The following PTPN1 variants were observed in gnomAD, a reference collection of about 807,000 sequenced individuals.
The protein encoded by PTPN1 is tyrosine-protein phosphatase non-receptor type 1.
PTPN1 carries 12 observed loss-of-function variants against 59.9 expected under a neutral mutation model. That is an observed-to-expected ratio of 0.20 (90% CI 0.13 to 0.32). The LOEUF (loss-of-function observed/expected upper bound fraction) is 0.32. Among genes scored for constraint, PTPN1 ranks in the 10% least tolerant of loss-of-function variants. The pLI, the probability that PTPN1 is intolerant of heterozygous loss-of-function variation, is 1.00. For synonymous variants in PTPN1, 178 were observed against 203.6 expected (o/e 0.87, Z 1.07); for missense variants, 356 against 549.2 (o/e 0.65, Z 3.52).
intron 1 of PTPN1, among the ~76,000 whole-genome samples, chr20:50,558,265 A>G (rs983193204): frequency 1.3e-5 from 2 of 152,188 alleles, no homozygotes; most frequent in Non-Finnish European, 2.9e-5. Flanking sequence ...ATATAATACA[A>G]CCCACATACA....
At chr20:50,524,907 G>A (rs2082567709) in intron 1 of PTPN1, among the ~76,000 whole-genome samples, 1 of 151,680 alleles carries the variant, frequency 6.6e-6, no homozygotes, top group East Asian at 1.9e-4. Flanking sequence ...TCAGTACACA[G>A]ATAGCTTTGA....
chr20:50,517,754 A>G (rs1280152781), intron 1 of PTPN1, among the ~76,000 whole-genome samples: 1 of 152,176 alleles, frequency 6.6e-6, no homozygotes, highest in Non-Finnish European at 1.5e-5. Flanking sequence ...TCTGGGAAAT[A>G]AACGTATTCT....
At position 50,561,295 on chromosome 20, in the gene PTPN1, G is replaced by T. The variant is rs573768725; in HGVS notation, c.64-68G>T. ...CCCATATTGCCCGGCTCTCTTTGATGTCTGTTTCTTTGCTGGGTCTTCCTC... is the reference window on the plus strand; with the variant it reads ...CCCATATTGCCCGGCTCTCTTTGATTTCTGTTTCTTTGCTGGGTCTTCCTC... On this transcript the variant is annotated intron_variant, in intron 1 of 9. Transcript: ENST00000371621. 36 of 1,207,798 alleles carry T rather than the reference G, an allele frequency of 3.0e-5. No individual in the cohort carries two copies. The African/African-American group carries it at 3.2e-4, about 11-fold the overall frequency. 74.8% of individuals were successfully genotyped at this position (1,207,798 alleles called of 1,614,324 possible).
At chr20:50,518,739 G>A (rs548898521) in intron 1 of PTPN1, among the ~76,000 whole-genome samples, 12 of 152,188 alleles carry the variant, frequency 7.9e-5, no homozygotes, top group Non-Finnish European at 1.2e-4. Context: ...CTACCTGGAC[G>A]CCACCTCCCT....
intron 5 of PTPN1, among the ~76,000 whole-genome samples, chr20:50,575,282 C>T (rs746797752): frequency 4.6e-5 from 7 of 152,298 alleles, no homozygotes; most frequent in South Asian, 4.1e-4. Flanking sequence ...AGGGAGTGCG[C>T]GGCAGCACCT....
intron 3 of PTPN1, among the ~76,000 whole-genome samples, chr20:50,565,631 TA>T (rs992593189): frequency 2.6e-4 from 39 of 152,346 alleles, no homozygotes; most frequent in African/African-American, 9.1e-4. Context: ...GAGCCTCTTG[TA>T]AAACACTCAG....
intron 1 of PTPN1, among the ~76,000 whole-genome samples, chr20:50,547,445 C>A (rs903686617): frequency 3.9e-5 from 6 of 151,908 alleles, no homozygotes; most frequent in Non-Finnish European, 8.8e-5. Flanking sequence ...CTCACTGCAA[C>A]CTCTGCCTCC....
intron 1 of PTPN1, among the ~76,000 whole-genome samples, chr20:50,541,843 G>T (rs1302482274): frequency 6.6e-6 from 1 of 152,162 alleles, no homozygotes; most frequent in Non-Finnish European, 1.5e-5. Flanking sequence ...AGTCGGCAAG[G>T]AGAGGTAGCA....
rs367551087 is a variant in PTPN1, at chr20:50,579,179, G to A, written c.714G>A (p.Arg238=). The A allele has an allele frequency of 5.6e-6, 9 of 1,614,112 alleles. No individual in the cohort carries two copies. In the African/African-American group the frequency reaches 1.1e-4, roughly 19 times the overall value. The part of the protein sequence containing the change: ...ADTCLLLMDK[R]KDPSSVDIKK... The stretch of plus-strand genomic sequence containing the variant: ...TCTCTGGCTTTCAGATGGACAAGAG[G>A]AAAGACCCTTCTTCCGTTGATATCA... The change falls in exon 7 of 10, where the codon AGG becomes AGA. Residue 238 remains arginine (R), a synonymous_variant. Coordinates refer to ENST00000371621, the MANE Select transcript of PTPN1 (RefSeq NM_002827.4).
intron 1 of PTPN1, among the ~76,000 whole-genome samples, chr20:50,528,853 T>A (rs2122733743): frequency 6.6e-6 from 1 of 152,230 alleles, no homozygotes; most frequent in East Asian, 1.9e-4. Flanking sequence ...TAGGGAGGCT[T>A]TGAGTTGATG....
Position 50,584,827 on chromosome 20 carries a change from TC to T in PTPN1, c.*2113del, listed in dbSNP as rs2082891458. 6.6e-6 allele frequency: 1 copy of T among 152,238 alleles called. No homozygotes were observed. Among genetic ancestry groups the T allele is most frequent in the African/African-American group, 2.4e-5 (1 of 41,464 alleles). 9.4% of individuals were successfully genotyped at this position (152,238 alleles called of 1,614,324 possible). On this transcript the variant is annotated 3_prime_UTR_variant, in exon 10 of 10. Transcript: ENST00000371621. ...TAAACCAGGATGAGTAACTCCTGTT[TC>T]TTTCTATCCCTGCTGATGTGAAACA...
At chr20:50,571,688 T>A (rs1181309440) in intron 4 of PTPN1, 1 of 152,222 alleles carries the variant, frequency 6.6e-6, no homozygotes, top group Non-Finnish European at 1.5e-5. Context: ...ATGCAGAAGA[T>A]GATTGTGTGT....
In PTPN1 at chr20:50,579,973, T is replaced by C. The variant is rs576031182; in HGVS notation, c.1088+47T>C. ...TTGTTGGGGTGAGGGGAAATGACTT[T>C]CTGTTCTAGAAACACACGCTGGTAC... On this transcript the variant is annotated intron_variant, in intron 8 of 9. Coordinates refer to ENST00000371621, the MANE Select transcript of PTPN1 (RefSeq NM_002827.4). 99 of 1,553,638 alleles carry C rather than the reference T, an allele frequency of 6.4e-5. No individual in the cohort carries two copies. In the South Asian group the frequency reaches 8.9e-4, roughly 14 times the overall value.
chr20:50,528,642 A>T (rs2082587640), intron 1 of PTPN1, among the ~76,000 whole-genome samples: 1 of 143,630 alleles, frequency 7.0e-6, no homozygotes, highest in South Asian at 2.6e-4. Flanking sequence ...TGAACTGGGG[A>T]GGTGGAGGTT....
chr20:50,549,937 G>A (rs2082694827), intron 1 of PTPN1, among the ~76,000 whole-genome samples: 1 of 151,948 alleles, frequency 6.6e-6, no homozygotes, highest in African/African-American at 2.4e-5. Flanking sequence ...CTGATGATTT[G>A]TATATTCCTC....
At chr20:50,574,856 T>C (rs1397451846) in intron 5 of PTPN1, 1 of 557,314 alleles carries the variant, frequency 1.8e-6, no homozygotes, top group Non-Finnish European at 3.1e-6. Context: ...CAGTGCTCTC[T>C]CTGACCTTTA....
At chr20:50,534,204 G>A (rs2082613928) in intron 1 of PTPN1, among the ~76,000 whole-genome samples, 1 of 152,166 alleles carries the variant, frequency 6.6e-6, no homozygotes, top group Non-Finnish European at 1.5e-5. Flanking sequence ...GATTACAGGT[G>A]TTAGCCACTG....
intron 1 of PTPN1, among the ~76,000 whole-genome samples, chr20:50,519,644 T>C (rs1052590743): frequency 2.0e-5 from 3 of 152,204 alleles, no homozygotes; most frequent in African/African-American, 7.2e-5. Context: ...AAGAACTGCA[T>C]GGTACATGCT....
intron 1 of PTPN1, among the ~76,000 whole-genome samples, chr20:50,558,978 G>C (rs2082738354): frequency 6.6e-6 from 1 of 151,834 alleles, no homozygotes. Flanking sequence ...TGGATTACTG[G>C]GAAAAGGGGG....
Sources: gnomAD v4.1 joint callset for allele counts (sites outside exome capture counted in the v4.1 genomes callset) on GRCh38, gnomAD v4.1.1 for gene constraint, MANE v1.5 for transcripts, NCBI Gene and HGNC (gene_info 2026-07-23, HGNC 2026-07-21) for gene names.